TNS1: variants seen among roughly 807,000 people sequenced by gnomAD.
The protein encoded by TNS1 is tensin-1.
A neutral mutation model predicts 168.6 loss-of-function variants in TNS1; 62 were observed. The ratio of observed to expected loss-of-function variants is 0.37; its 90% CI spans 0.30 to 0.45. The LOEUF (loss-of-function observed/expected upper bound fraction) is 0.45. Among genes scored for constraint, TNS1 ranks in the 20% least tolerant of loss-of-function variants. The probability of loss-of-function intolerance (pLI) is 1.00; values close to 1 mark genes in which losing one functional copy is unlikely to be tolerated. For missense variants in TNS1, 2,240 were observed against 2,339.4 expected, an observed-to-expected ratio of 0.96 and a Z score of 0.88; for synonymous variants, 934 against 933.2, an observed-to-expected ratio of 1.00 and a Z score of -0.02.
chr2:217,972,987 T>C (rs1957806223), intron 3 of TNS1, among the ~76,000 whole-genome samples: 2 of 152,184 alleles, frequency 1.3e-5, no homozygotes, highest in Admixed American at 6.5e-5. Flanking sequence ...TGGAGTCATA[T>C]AGCAGGGGAC....
intron 3 of TNS1, among the ~76,000 whole-genome samples, chr2:217,924,272 G>C (rs1481638662): frequency 6.6e-6 from 1 of 151,712 alleles, no homozygotes; most frequent in African/African-American, 2.4e-5. Flanking sequence ...CACCACCCCA[G>C]AGACCCTCCC....
chr2:217,843,594 G>A (rs953312958), intron 19 of TNS1, among the ~76,000 whole-genome samples: 79 of 152,242 alleles, frequency 5.2e-4, no homozygotes, highest in African/African-American at 1.9e-3. Flanking sequence ...TGCCTTTGAT[G>A]TTTTACACAG....
intron 1 of TNS1, among the ~76,000 whole-genome samples, chr2:218,026,507 C>A (rs1200754387): frequency 6.6e-6 from 1 of 152,154 alleles, no homozygotes; most frequent in African/African-American, 2.4e-5. Flanking sequence ...AGAATCCTGA[C>A]CCTGCAAGTG....
Position 217,808,622 on chromosome 2 carries a change from G to A in TNS1, c.5323C>T (p.Leu1775=), listed in dbSNP as rs145445877. 3 of 1,613,984 alleles carry A rather than the reference G, an allele frequency of 1.9e-6. No individual in the cohort carries two copies. In the African/African-American group the frequency reaches 4.0e-5, roughly 22 times the overall value. Residue 1775 remains leucine (L), a synonymous_variant, in exon 31 of 33, where the codon CTG becomes TTG. Coordinates refer to ENST00000682258, the MANE Select transcript of TNS1 (RefSeq NM_001387777.1). ...ACTTACTTTCTTTCCTGTGGATCCA[G>A]GTCACAGAAGGTGACAGTGTTGAGA... ...YPLNTVTFCD[L]DPQERKWMKT... is the part of the protein sequence containing the mutation.
At chr2:217,837,616 C>T (rs560592936) in intron 19 of TNS1, among the ~76,000 whole-genome samples, 19 of 152,364 alleles carry the variant, frequency 1.2e-4, no homozygotes, top group African/African-American at 4.6e-4. Context: ...TGCCCTGAGT[C>T]TCCGCTTTGG....
intron 2 of TNS1, among the ~76,000 whole-genome samples, chr2:217,983,075 T>C (rs978557275): frequency 6.6e-6 from 1 of 152,058 alleles, no homozygotes; most frequent in Non-Finnish European, 1.5e-5. Flanking sequence ...CAGACACTGC[T>C]GGGGAGACAG....
intron 18 of TNS1, among the ~76,000 whole-genome samples, chr2:217,863,080 C>A (rs933347498): frequency 6.6e-6 from 1 of 152,060 alleles, no homozygotes; most frequent in Non-Finnish European, 1.5e-5. Context: ...CTGTCAAGTT[C>A]TTTCTTTTCA....
chr2:217,978,861 C>A, intron 2 of TNS1, 59 bp from the exon 3 acceptor site: 1 of 701,540 alleles, frequency 1.4e-6, no homozygotes, highest in Non-Finnish European at 2.6e-6. Context: ...AATGGAAACT[C>A]CGCGAAATCT....
At chr2:217,929,098 G>C (rs972949604) in intron 3 of TNS1, among the ~76,000 whole-genome samples, 12 of 150,798 alleles carry the variant, frequency 8.0e-5, no homozygotes, top group South Asian at 2.1e-4. Context: ...AACTCGGGGG[G>C]ACCAGCAGGC....
chr2:217,951,700 G>C (rs1023934452), intron 3 of TNS1, among the ~76,000 whole-genome samples: 2 of 152,088 alleles, frequency 1.3e-5, no homozygotes, highest in Non-Finnish European at 2.9e-5. Context: ...CACCACTGGG[G>C]GAAACCTGCT....
At chr2:217,809,468 G>GATGC (rs1940242301) in intron 30 of TNS1, among the ~76,000 whole-genome samples, 2 of 35,960 alleles carry the variant, frequency 5.6e-5, no homozygotes, top group Admixed American at 2.9e-4. Context: ...TGCATGGATG[G>GATGC]ATGGATGGAT....
In TNS1 at chr2:217,801,842, C is replaced by T. The variant is rs1366781724; in HGVS notation, c.*2617G>A. The T allele has an allele frequency of 1.3e-5, 2 of 152,232 alleles. No individual in the cohort carries two copies. The highest frequency in any genetic ancestry group is 1.9e-4 in the East Asian group (1 of 5,172). 9.4% of individuals were successfully genotyped at this position (152,232 alleles called of 1,614,324 possible). On this transcript the variant is annotated 3_prime_UTR_variant, in exon 33 of 33. Coordinates refer to ENST00000682258, the MANE Select transcript of TNS1 (RefSeq NM_001387777.1). Reference sequence around the variant, plus strand: ...AAAGTCACACTCTCAGAAACTGACTCCTTCCGCAGGGATGCTGGGAGGGAG... The same window carrying T: ...AAAGTCACACTCTCAGAAACTGACTTCTTCCGCAGGGATGCTGGGAGGGAG...
At chr2:217,928,591 C>T (rs1271518810) in intron 3 of TNS1, among the ~76,000 whole-genome samples, 2 of 152,168 alleles carry the variant, frequency 1.3e-5, no homozygotes, top group East Asian at 3.9e-4. Context: ...GGGCCTGGCC[C>T]TTTCCCCAAA....
At chr2:217,900,670 C>G (rs974478468) in intron 6 of TNS1, 158 bp from the exon 7 acceptor site, 4 of 774,744 alleles carry the variant, frequency 5.2e-6, no homozygotes, top group Non-Finnish European at 8.3e-6. Flanking sequence ...ACAGCCTGCC[C>G]GAAGCCAAAG....
At position 217,892,826 on chromosome 2, in the gene TNS1, C is replaced by T. The variant is rs149858956; in HGVS notation, c.782+122G>A. On this transcript the variant is annotated intron_variant, in intron 11 of 32. Transcript: ENST00000682258. ...CAGGGGCCCCTTCCCCCGTCCTCAT[C>T]GCTTCTCATTCCCTCTGTGCGTATC... is the stretch of plus-strand genomic sequence containing the variant. 276 of 1,139,000 alleles carry T rather than the reference C, an allele frequency of 2.4e-4. No individual in the cohort carries two copies. In the African/African-American group the frequency reaches 3.9e-3, roughly 16 times the overall value. The allele number at this position is 1,139,000 out of a possible 1,614,324, so 70.6% of individuals were successfully genotyped here.
At position 217,865,851 on chromosome 2, in the gene TNS1, G is replaced by T. The variant is rs187907427; in HGVS notation, c.1429+15047C>A. 2.7e-3 allele frequency among the ~76,000 whole-genome samples: 410 copies of T among 152,318 alleles called. 2 individuals are homozygous for T. The highest frequency in any genetic ancestry group is 9.3e-3 in the African/African-American group (385 of 41,578). ...AGAGGGGCAGGAGAAAAGGGACTTT[G>T]GGGTGAGACTCCTGAGTCCCCTTTG... On this transcript the variant is annotated intron_variant, in intron 18 of 32. Coordinates refer to ENST00000682258, the MANE Select transcript of TNS1 (RefSeq NM_001387777.1).
At chr2:217,990,220 G>T (rs111209698) in intron 2 of TNS1, among the ~76,000 whole-genome samples, 2,450 of 107,712 alleles carry the variant, frequency 0.023, 68 homozygotes, top group African/African-American at 0.083. Flanking sequence ...CCCTCAGCAC[G>T]CATCATCCAC....
chr2:217,985,008 C>T (rs994058010), intron 2 of TNS1, among the ~76,000 whole-genome samples: 3 of 151,742 alleles, frequency 2.0e-5, no homozygotes, highest in Admixed American at 1.3e-4. Flanking sequence ...CTGCCTACCT[C>T]GGCCTCCCAA....
rs775143453 is a variant in TNS1 at position 217,890,981 on chromosome 2, C to G, written c.847G>C (p.Gly283Arg). 1.9e-6 allele frequency: 3 copies of G among 1,614,090 alleles called. No individual in the cohort carries two copies. Among genetic ancestry groups the G allele is most frequent in the African/African-American group, 1.3e-5 (1 of 74,934 alleles). ...RFYEDKIVPI[G>R]QPSQRRYVHY... ...ACCCACCTTCTTTGGGATGGCTGGC[C>G]AATGGGCACAATCTTATCCTCATAG... Residue 283 changes from glycine to arginine, a missense_variant, in exon 12 of 33, where the codon GGC becomes CGC. Coordinates refer to ENST00000682258, the MANE Select transcript of TNS1 (RefSeq NM_001387777.1).
Sources: gnomAD v4.1 joint callset for allele counts (sites outside exome capture counted in the v4.1 genomes callset) on GRCh38, gnomAD v4.1.1 for gene constraint, MANE v1.5 for transcripts, NCBI Gene and HGNC (gene_info 2026-07-23, HGNC 2026-07-21) for gene names.